KCTD1: variants seen among roughly 807,000 people sequenced by gnomAD.
KCTD1 encodes the protein BTB/POZ domain-containing protein KCTD1.
A neutral mutation model predicts 66.0 loss-of-function variants in KCTD1; 24 were observed. That is an observed-to-expected ratio of 0.36 (90% CI 0.26 to 0.51). The LOEUF is 0.51. Ranked by LOEUF, KCTD1 falls within the 20% of genes least tolerant of loss-of-function variation. KCTD1 has a pLI of 0.95. For missense variants in KCTD1, 943 were observed against 1,205.2 expected (o/e 0.78, Z 3.22); for synonymous variants, 511 against 517.2 (o/e 0.99, Z 0.16).
At chr18:26,512,379 AG>A in intron 1 of KCTD1, among the ~76,000 whole-genome samples, 1 of 152,076 alleles carries the variant, frequency 6.6e-6, no homozygotes, top group South Asian at 2.1e-4. Flanking sequence ...CTAAGATTAC[AG>A]GTGTGAGCCA....
chr18:26,633,223 G>A (rs1987658477), upstream of KCTD1, among the ~76,000 whole-genome samples: 2 of 152,048 alleles, frequency 1.3e-5, no homozygotes, highest in Non-Finnish European at 2.9e-5. Flanking sequence ...TCAGTGTAGT[G>A]GGAAAATAAT....
chr18:26,656,541 G>A (rs981947204), intron 1 of KCTD1, among the ~76,000 whole-genome samples: 3 of 151,870 alleles, frequency 2.0e-5, no homozygotes, highest in East Asian at 3.9e-4. Flanking sequence ...CAGCCCGGCC[G>A]GCGACGAAGA....
At chr18:26,653,353 T>A (rs1480939859) in intron 1 of KCTD1, among the ~76,000 whole-genome samples, 1 of 152,222 alleles carries the variant, frequency 6.6e-6, no homozygotes, top group Non-Finnish European at 1.5e-5. Context: ...TGGAACTTCG[T>A]CTCTGTTCTG....
At chr18:26,528,816 C>A (rs1481477942) in intron 1 of KCTD1, among the ~76,000 whole-genome samples, 2 of 152,196 alleles carry the variant, frequency 1.3e-5, no homozygotes, top group African/African-American at 4.8e-5. Flanking sequence ...CTAAGGCCCA[C>A]AGTTCCCCTC....
intron 1 of KCTD1, chr18:26,655,668 T>C (rs1481444898): frequency 1.3e-5 from 2 of 152,266 alleles, no homozygotes; most frequent in Non-Finnish European, 2.9e-5. Context: ...GCTAACTTAG[T>C]TGGCTTCCGC....
chr18:26,560,089 A>G (rs1482932376), intron 1 of KCTD1, among the ~76,000 whole-genome samples: 4 of 151,504 alleles, frequency 2.6e-5, no homozygotes, highest in Non-Finnish European at 5.9e-5. Context: ...AAATTTAAAC[A>G]CTGCAGAATA....
chr18:26,599,624 C>T (rs1024314630), intron 1 of KCTD1: 3 of 1,471,790 alleles, frequency 2.0e-6, no homozygotes, highest in African/African-American at 2.8e-5. Context: ...AAGCACCACT[C>T]TGCACAGTGC....
chr18:26,582,271 T>TAAA (rs34642580), intron 1 of KCTD1, among the ~76,000 whole-genome samples: 1 of 143,938 alleles, frequency 6.9e-6, no homozygotes. Flanking sequence ...ACACCCCGTC[T>TAAA]AAAAAAAAAA....
chr18:26,634,331 G>C (rs1214516005), intron 1 of KCTD1, among the ~76,000 whole-genome samples: 1 of 152,294 alleles, frequency 6.6e-6, no homozygotes, highest in Middle Eastern at 3.4e-3. Context: ...ACTTATAAGT[G>C]AGTGCAGAAA....
chr18:26,611,272 G>A (rs1295253209), intron 1 of KCTD1, among the ~76,000 whole-genome samples: 1 of 151,752 alleles, frequency 6.6e-6, no homozygotes, highest in African/African-American at 2.4e-5. Flanking sequence ...TTCATCTCTA[G>A]AAGCTTGATT....
upstream of KCTD1, chr18:26,548,616 G>T: frequency 8.5e-7 from 1 of 1,172,738 alleles, no homozygotes; most frequent in South Asian, 4.3e-5. Flanking sequence ...TGTGTTTAAT[G>T]ACCTTCAGCT....
Position 26,563,387 on chromosome 18 carries a change from C to T in KCTD1, c.-15-62137G>A, listed in dbSNP as rs562313580. ...TCCTTTACAGGGGTCCACCATTCTC[C>T]AAAACCAGCCTCACCCTCCAGCTAC... On this transcript the variant is annotated intron_variant, in intron 1 of 4. Coordinates refer to the KCTD1 transcript ENST00000317932. 2.0e-4 allele frequency among the ~76,000 whole-genome samples: 31 copies of T among 152,304 alleles called. No homozygotes were observed. The South Asian group carries it at 5.8e-3, about 29-fold the overall frequency.
At chr18:26,572,493 T>C (rs1986133119) in intron 1 of KCTD1, among the ~76,000 whole-genome samples, 1 of 152,202 alleles carries the variant, frequency 6.6e-6, no homozygotes, top group African/African-American at 2.4e-5. Context: ...TTTATTGGTT[T>C]TGGGTGGCAT....
intron 1 of KCTD1, among the ~76,000 whole-genome samples, chr18:26,587,296 T>C (rs1260528100): frequency 6.6e-6 from 1 of 152,156 alleles, no homozygotes; most frequent in African/African-American, 2.4e-5. Context: ...TACAGCATGG[T>C]TTACTGAATA....
chr18:26,477,045 A>T (rs1981386634), intron 2 of KCTD1, among the ~76,000 whole-genome samples: 1 of 152,258 alleles, frequency 6.6e-6, no homozygotes, highest in South Asian at 2.1e-4. Flanking sequence ...CTACTAAAAA[A>T]GCAATTTTGT....
chr18:26,504,379 G>A (rs1170825610), intron 1 of KCTD1, among the ~76,000 whole-genome samples: 1 of 152,072 alleles, frequency 6.6e-6, no homozygotes, highest in Non-Finnish European at 1.5e-5. Context: ...ACAGGCGCAG[G>A]CCACTAATGC....
chr18:26,546,341 GTTAC>G (rs1325799273), intron 1 of KCTD1, among the ~76,000 whole-genome samples: 2 of 152,088 alleles, frequency 1.3e-5, no homozygotes, highest in Admixed American at 1.3e-4. Context: ...TCTTTTAAGG[GTTAC>G]TTGATTCAAA....
chr18:26,533,827 T>A (rs1440897992), intron 1 of KCTD1, among the ~76,000 whole-genome samples: 3 of 130,408 alleles, frequency 2.3e-5, no homozygotes, highest in Non-Finnish European at 1.6e-5. Context: ...AGCTATTATT[T>A]AAAAAAAAAA....
At chr18:26,594,633 A>ATT (rs746520622) in intron 1 of KCTD1, among the ~76,000 whole-genome samples, 334 of 152,256 alleles carry the variant, frequency 2.2e-3, no homozygotes, top group Middle Eastern at 3.4e-3. Flanking sequence ...GGCCCTGGTG[A>ATT]TGGCTAACTT....
Sources: gnomAD v4.1 joint callset for allele counts (sites outside exome capture counted in the v4.1 genomes callset) on GRCh38, gnomAD v4.1.1 for gene constraint, MANE v1.5 for transcripts, NCBI Gene and HGNC (gene_info 2026-07-23, HGNC 2026-07-21) for gene names.